The following PPP3CA variants were observed in gnomAD, a reference collection of about 807,000 sequenced individuals.
PPP3CA encodes the protein CAM-PRP catalytic subunit.
Under a neutral mutation model 66.5 loss-of-function variants are expected in PPP3CA, and 14 were observed. The observed-to-expected ratio is 0.21, with a 90% confidence interval of 0.14 to 0.33. The LOEUF (loss-of-function observed/expected upper bound fraction) is 0.33. Among genes scored for constraint, PPP3CA ranks in the 10% least tolerant of loss-of-function variants. The pLI, the probability that PPP3CA is intolerant of heterozygous loss-of-function variation, is 1.00. For missense variants in PPP3CA, 317 were observed against 639.5 expected (o/e 0.50, Z 5.44); for synonymous variants, 232 against 226.2 (o/e 1.03, Z -0.23).
At chr4:101,128,259 T>C (rs36096364) in intron 2 of PPP3CA, among the ~76,000 whole-genome samples, 14,854 of 152,056 alleles carry the variant, frequency 0.098, 937 homozygotes, top group Middle Eastern at 0.14. Flanking sequence ...TTTCAAATAG[T>C]GAAAAGGATA....
chr4:101,027,790 G>C (rs1273060346), intron 13 of PPP3CA, among the ~76,000 whole-genome samples: 1 of 152,104 alleles, frequency 6.6e-6, no homozygotes. Context: ...TAAAAATGTA[G>C]CTAGAACAAT....
intron 3 of PPP3CA, among the ~76,000 whole-genome samples, chr4:101,106,067 A>G (rs1730652039): frequency 6.6e-6 from 1 of 152,088 alleles, no homozygotes; most frequent in South Asian, 2.1e-4. Context: ...CACACTTTGT[A>G]ATCTGAGCAC....
At chr4:101,184,356 C>T (rs186142835) in intron 2 of PPP3CA, among the ~76,000 whole-genome samples, 1 of 152,224 alleles carries the variant, frequency 6.6e-6, no homozygotes, top group Admixed American at 6.5e-5. Context: ...TTTACTAAGG[C>T]TCTTATTGCC....
intron 6 of PPP3CA, among the ~76,000 whole-genome samples, chr4:101,091,996 AATG>A (rs576215768): frequency 6.2e-4 from 94 of 152,096 alleles, no homozygotes; most frequent in African/African-American, 2.2e-3. Flanking sequence ...CTGTATGTAT[AATG>A]ATAAGAGACT....
intron 1 of PPP3CA, among the ~76,000 whole-genome samples, chr4:101,219,642 A>ATT (rs3840153): frequency 9.9e-5 from 15 of 151,268 alleles, no homozygotes; most frequent in African/African-American, 1.9e-4. Context: ...TAGAAGCTCT[A>ATT]TTTTTTTTAA....
At chr4:101,142,485 G>T (rs1446309821) in intron 2 of PPP3CA, among the ~76,000 whole-genome samples, 1 of 152,146 alleles carries the variant, frequency 6.6e-6, no homozygotes, top group African/African-American at 2.4e-5. Context: ...ATCAATCACT[G>T]AGTGTCAATT....
intron 12 of PPP3CA, among the ~76,000 whole-genome samples, chr4:101,030,202 CTCTGTAACTCCAAAATGTTTAATATTAAA>C (rs1192662687): frequency 3.3e-5 from 5 of 152,094 alleles, no homozygotes; most frequent in Non-Finnish European, 1.5e-5. Context: ...TGCAAAACTT[CTCTGTAACTCCAAAATGTTTAATATTAAA>C]ATTCTACCCC....
chr4:101,125,004 A>G (rs1202768274), intron 2 of PPP3CA, among the ~76,000 whole-genome samples: 1 of 152,204 alleles, frequency 6.6e-6, no homozygotes, highest in East Asian at 1.9e-4. Context: ...TGTAAATATA[A>G]TGTACTTCAA....
rs549674047 is a variant in PPP3CA, at chr4:101,331,031, C to T, written c.58+15708G>A. Among the ~76,000 whole-genome samples, 141 of 152,254 alleles carry T rather than the reference C, an allele frequency of 9.3e-4. 1 individual carries two copies. The highest frequency in any genetic ancestry group is 3.3e-3 in the African/African-American group (137 of 41,550). On this transcript the variant is annotated intron_variant, in intron 1 of 13. Coordinates refer to ENST00000394854, the MANE Select transcript of PPP3CA (RefSeq NM_000944.5). ...CGAAAAGTATTAGATTTTTCTCCCA[C>T]AGAAAATGCCACAGATGTTCAGCCA... is the stretch of plus-strand genomic sequence containing the variant.
At chr4:101,126,965 G>C (rs775667796) in intron 2 of PPP3CA, among the ~76,000 whole-genome samples, 29 of 152,120 alleles carry the variant, frequency 1.9e-4, no homozygotes, top group Admixed American at 3.3e-4. Flanking sequence ...TAAGTGCCAA[G>C]TGTAAGTCTA....
chr4:101,184,807 T>C (rs920551214), intron 2 of PPP3CA, among the ~76,000 whole-genome samples: 4 of 152,244 alleles, frequency 2.6e-5, no homozygotes, highest in African/African-American at 4.8e-5. Context: ...GTCCAAAGAA[T>C]GCTAATTACC....
Position 101,023,754 on chromosome 4 carries a change from C to T in PPP3CA, c.*2111G>A, listed in dbSNP as rs550650060. The T allele has an allele frequency of 2.0e-5, 3 of 152,530 alleles. No homozygotes were observed. Among genetic ancestry groups the T allele is most frequent in the South Asian group, 2.1e-4 (1 of 4,834 alleles). The allele number at this position is 152,530 out of a possible 1,614,324, so 9.4% of individuals were successfully genotyped here. A position where few individuals can be genotyped will look rare whatever the true frequency, so the allele number is the denominator to read the frequency against. On this transcript the variant is annotated 3_prime_UTR_variant, in exon 14 of 14. Coordinates refer to ENST00000394854, the MANE Select transcript of PPP3CA (RefSeq NM_000944.5). ...ACATCTTTGTTTGGGTATGCTATAT[C>T]GCTAATTGCCATATTCTTATTATTT...
chr4:101,328,976 G>C (rs527517461), intron 1 of PPP3CA, among the ~76,000 whole-genome samples: 5 of 151,920 alleles, frequency 3.3e-5, no homozygotes, highest in Non-Finnish European at 7.4e-5. Flanking sequence ...TGAAAATGAG[G>C]CTTATTAATA....
At chr4:101,138,045 G>A (rs1722680510) in intron 2 of PPP3CA, among the ~76,000 whole-genome samples, 1 of 152,184 alleles carries the variant, frequency 6.6e-6, no homozygotes. Context: ...TAATCTTTAA[G>A]TATTGCTTTT....
chr4:101,255,179 A>T, intron 1 of PPP3CA, among the ~76,000 whole-genome samples: 1 of 151,794 alleles, frequency 6.6e-6, no homozygotes. Flanking sequence ...GAGAAAGCCT[A>T]TCCCTTGTGA....
intron 1 of PPP3CA, among the ~76,000 whole-genome samples, chr4:101,342,471 A>G (rs1729848358): frequency 6.6e-6 from 1 of 152,190 alleles, no homozygotes; most frequent in Non-Finnish European, 1.5e-5. Flanking sequence ...CGTAACGAAC[A>G]GGATGAATTT....
chr4:101,157,703 C>T (rs1008440969), intron 2 of PPP3CA, among the ~76,000 whole-genome samples: 10 of 152,204 alleles, frequency 6.6e-5, no homozygotes, highest in African/African-American at 2.4e-4. Flanking sequence ...TGAAACCCAT[C>T]AAGAGAATGT....
chr4:101,223,853 A>C (rs986353727), intron 1 of PPP3CA, among the ~76,000 whole-genome samples: 4 of 151,830 alleles, frequency 2.6e-5, no homozygotes, highest in African/African-American at 9.7e-5. Flanking sequence ...TAGAGAAAAT[A>C]AACTTCAATA....
intron 1 of PPP3CA, among the ~76,000 whole-genome samples, chr4:101,207,090 C>T (rs368617810): frequency 2.6e-5 from 4 of 152,084 alleles, no homozygotes; most frequent in Admixed American, 6.5e-5. Context: ...TGATTTTCAT[C>T]GCATATGTGA....
Sources: allele counts gnomAD v4.1 joint callset (sites outside exome capture counted in the v4.1 genomes callset), GRCh38; gene constraint gnomAD v4.1.1; transcripts MANE v1.5; gene names NCBI Gene and HGNC (gene_info 2026-07-23, HGNC 2026-07-21).